TCF12: variants seen among roughly 807,000 people sequenced by gnomAD.
TCF12 encodes transcription factor 12.
Under a neutral mutation model 86.0 loss-of-function variants are expected in TCF12, and 45 were observed. That is an observed-to-expected ratio of 0.52 (90% CI 0.41 to 0.67). The LOEUF is 0.67. Ranked by LOEUF, TCF12 falls within the 30% of genes least tolerant of loss-of-function variation. The pLI is 0.00. For missense variants in TCF12, 881 were observed against 859.9 expected (o/e 1.02, Z -0.31); for synonymous variants, 330 against 299.6 (o/e 1.10, Z -1.05).
At chr15:56,952,215 T>A (rs1486581541) in intron 3 of TCF12, among the ~76,000 whole-genome samples, 2 of 151,612 alleles carry the variant, frequency 1.3e-5, no homozygotes, top group Non-Finnish European at 2.9e-5. Context: ...CACAAATACA[T>A]GTGTATGTTT....
At chr15:57,087,411 C>A (rs370245569) in intron 4 of TCF12, among the ~76,000 whole-genome samples, 105 of 131,434 alleles carry the variant, frequency 8.0e-4, no homozygotes, top group East Asian at 1.1e-3. Flanking sequence ...GACCCTGTCT[C>A]AAAAAAAAAA....
Position 57,071,280 on chromosome 15 carries a change from T to A in TCF12, c.222+7457T>A, listed in dbSNP as rs115837974. ...AAAAAAAAAAATCCAGGTCTGGTGG[T>A]GCGCACCTGTGGTCCGAGCTACTCA... On this transcript the variant is annotated intron_variant, in intron 4 of 20. Coordinates refer to ENST00000333725, the MANE Select transcript of TCF12 (RefSeq NM_207037.2). Among the ~76,000 whole-genome samples the A allele has an allele frequency of 6.2e-3, 926 of 149,706 alleles. 12 individuals carry two copies. Among genetic ancestry groups the A allele is most frequent in the African/African-American group, 0.022 (883 of 40,514 alleles).
intron 5 of TCF12, among the ~76,000 whole-genome samples, chr15:57,127,841 C>T (rs535203486): frequency 5.3e-5 from 8 of 152,190 alleles, no homozygotes; most frequent in South Asian, 4.2e-4. Flanking sequence ...TTAGAATTCT[C>T]GGGCGAGCCA....
intron 3 of TCF12, among the ~76,000 whole-genome samples, chr15:56,995,259 T>TTTTTTTTG (rs2063651464): frequency 7.2e-6 from 1 of 138,844 alleles, no homozygotes; most frequent in Non-Finnish European, 1.6e-5. Context: ...TTTTTTTTTT[T>TTTTTTTTG]GCTTAGGATT....
At chr15:57,063,863 G>T in intron 4 of TCF12, 40 bp downstream of exon 4, 2 of 1,464,460 alleles carry the variant, frequency 1.4e-6, no homozygotes, top group South Asian at 1.3e-5. Flanking sequence ...GCTGTAATTT[G>T]GCAGACTACG....
chr15:56,964,404 C>T (rs1482241483), intron 3 of TCF12, among the ~76,000 whole-genome samples: 3 of 152,184 alleles, frequency 2.0e-5, no homozygotes, highest in Admixed American at 6.5e-5. Context: ...TCTTACCTCA[C>T]CAACTTTCTC....
intron 19 of TCF12, among the ~76,000 whole-genome samples, chr15:57,279,450 C>G (rs2061577647): frequency 6.6e-6 from 1 of 152,124 alleles, no homozygotes; most frequent in African/African-American, 2.4e-5. Flanking sequence ...ATGAGAAGTA[C>G]CAGATCTTTC....
chr15:57,153,045 T>A (rs1427693677), intron 5 of TCF12, among the ~76,000 whole-genome samples: 1 of 152,238 alleles, frequency 6.6e-6, no homozygotes, highest in African/African-American at 2.4e-5. Context: ...ATCTCTAATG[T>A]ATTACAATTT....
chr15:57,012,964 G>T (rs1479512114), intron 3 of TCF12, among the ~76,000 whole-genome samples: 1 of 151,856 alleles, frequency 6.6e-6, no homozygotes, highest in Non-Finnish European at 1.5e-5. Flanking sequence ...CTGCTTTAAA[G>T]ATTTACTAAG....
At chr15:57,291,201 T>G (rs1264841993), downstream of TCF12, 2 of 152,206 alleles carry the variant, frequency 1.3e-5, no homozygotes, top group African/African-American at 4.8e-5. Flanking sequence ...GCTCATGGCC[T>G]TTATATAAAA....
chr15:57,173,713 C>CT (rs201899689), intron 6 of TCF12, among the ~76,000 whole-genome samples: 228 of 141,904 alleles, frequency 1.6e-3, no homozygotes, highest in African/African-American at 2.2e-3. Flanking sequence ...ATCTTTTTTT[C>CT]TTTTTTTTTT....
At chr15:57,182,810 A>AT (rs2056437775) in intron 6 of TCF12, among the ~76,000 whole-genome samples, 1 of 152,054 alleles carries the variant, frequency 6.6e-6, no homozygotes, top group Non-Finnish European at 1.5e-5. Context: ...TTTCTTTACT[A>AT]TTGCATAGAT....
rs1185985971 is a variant in TCF12, at chr15:56,952,094, T to C, written c.148+30996T>C. ...CACTGTTCCAACACCATTTGTTGAA[T>C]AGATTCCATAAATTACTCTTTCTCA... is the stretch of plus-strand genomic sequence containing the variant. On this transcript the variant is annotated intron_variant, in intron 3 of 20. Coordinates refer to ENST00000333725, the MANE Select transcript of TCF12 (RefSeq NM_207037.2). Among the ~76,000 whole-genome samples, 10 of 152,286 alleles carry C rather than the reference T, an allele frequency of 6.6e-5. No individual in the cohort carries two copies. In the South Asian group the frequency reaches 1.7e-3, roughly 25 times the overall value.
At position 57,077,327 on chromosome 15, in the gene TCF12, ATGTGTGTG is replaced by A. The variant is rs1172206511; in HGVS notation, c.222+13544_222+13551del. 1.4e-3 allele frequency among the ~76,000 whole-genome samples: 37 copies of A among 25,700 alleles called. 2 individuals are homozygous for A. The highest frequency in any genetic ancestry group is 0.01 in the African/African-American group (32 of 3,166). 16.9% of individuals were successfully genotyped at this position (25,700 alleles called of 152,430 possible). ...TTACTTTCCATATATATGTATATAT[ATGTGTGTG>A]TGTGTGTGTGTGTGTGTGTGTGTGT... is the stretch of plus-strand genomic sequence containing the variant. On this transcript the variant is annotated intron_variant, in intron 4 of 20. Transcript: ENST00000333725.
chr15:56,949,128 A>C (rs1438648189), intron 3 of TCF12, among the ~76,000 whole-genome samples: 4 of 152,198 alleles, frequency 2.6e-5, no homozygotes, highest in Admixed American at 1.3e-4. Context: ...GATTACATTA[A>C]ATTGTTTTAA....
At chr15:57,289,944 A>G (rs553300971), downstream of TCF12, 1 of 152,120 alleles carries the variant, frequency 6.6e-6, no homozygotes, top group South Asian at 2.1e-4. Context: ...GTAGGAGTCT[A>G]CATTCTTTTG....
chr15:57,126,028 C>G (rs948891262), intron 5 of TCF12, among the ~76,000 whole-genome samples: 1 of 152,002 alleles, frequency 6.6e-6, no homozygotes, highest in African/African-American at 2.4e-5. Flanking sequence ...CTCAGGAGTT[C>G]GAGACCAGCC....
At chr15:57,170,161 G>C (rs1483213671) in intron 6 of TCF12, among the ~76,000 whole-genome samples, 4 of 152,122 alleles carry the variant, frequency 2.6e-5, no homozygotes, top group Non-Finnish European at 5.9e-5. Flanking sequence ...TCATGCTTGA[G>C]TGTTTTGACT....
intron 6 of TCF12, among the ~76,000 whole-genome samples, chr15:57,170,733 ATATAATATATAT>A (rs2055369272): frequency 9.3e-4 from 2 of 2,162 alleles, no homozygotes; most frequent in African/African-American, 2.4e-3. Context: ...TATATATTAT[ATATAATATATAT>A]TATATATTAT....
Sources: allele counts gnomAD v4.1 joint callset (sites outside exome capture counted in the v4.1 genomes callset), GRCh38; gene constraint gnomAD v4.1.1; transcripts MANE v1.5; gene names NCBI Gene and HGNC (gene_info 2026-07-23, HGNC 2026-07-21).